CUZD1: variants seen among roughly 807,000 people sequenced by gnomAD.
The protein encoded by CUZD1 is CUB and zona pellucida like domains 1.
CUZD1 carries 42 observed loss-of-function variants against 53.1 expected under a neutral mutation model. The observed-to-expected ratio is 0.79, with a 90% CI of 0.62 to 1.02. The LOEUF (loss-of-function observed/expected upper bound fraction) is 1.02, where lower values mean the gene tolerates loss of function less well. CUZD1 is among the 50% of genes least tolerant of loss of function. The pLI is 0.00. For synonymous variants in CUZD1, 238 were observed against 257.2 expected (o/e 0.93, Z 0.71); for missense variants, 670 against 715.7 (o/e 0.94, Z 0.73).
At position 122,835,207 on chromosome 10, in the gene CUZD1, G is replaced by A. The variant is rs914235931; in HGVS notation, c.991-110C>T. The A allele has an allele frequency of 6.6e-6, 5 of 754,694 alleles. No homozygotes were observed. The African/African-American group carries it at 7.1e-5, about 11-fold the overall frequency. 46.7% of individuals were successfully genotyped at this position (754,694 alleles called of 1,614,324 possible). ...AGACATAATTTTCTTAAATCACGAG[G>A]TAACAGCTTTCATGTCAGAATACTA... On this transcript the variant is annotated intron_variant, in intron 6 of 8. Coordinates refer to ENST00000392790, the MANE Select transcript of CUZD1 (RefSeq NM_022034.6).
chr10:122,837,692 G>T (rs1266477584), intron 3 of CUZD1, 138 bp from the exon 4 acceptor site: 2 of 801,876 alleles, frequency 2.5e-6, no homozygotes, highest in Admixed American at 3.5e-5. Flanking sequence ...ACATATTGAG[G>T]TTTTCATCCT....
intron 6 of CUZD1, among the ~76,000 whole-genome samples, chr10:122,835,732 C>T (rs1847239327): frequency 6.6e-6 from 1 of 152,116 alleles, no homozygotes; most frequent in South Asian, 2.1e-4. Flanking sequence ...GAACAAATCA[C>T]AAACTTCCAG....
At chr10:122,839,310 G>A (rs1048834761) in intron 2 of CUZD1, 79 bp from the exon 3 acceptor site, 2 of 1,256,338 alleles carry the variant, frequency 1.6e-6, no homozygotes, top group Non-Finnish European at 2.3e-6. Flanking sequence ...GCTCACCTAG[G>A]CATGTAAATT....
At chr10:122,838,725 C>A in intron 3 of CUZD1, among the ~76,000 whole-genome samples, 1 of 152,324 alleles carries the variant, frequency 6.6e-6, no homozygotes, top group African/African-American at 2.4e-5. Flanking sequence ...ATGTAGCCAT[C>A]TGATCAGCCC....
At chr10:122,838,969 C>A (rs1168380862) in intron 3 of CUZD1, 48 bp downstream of exon 3, 2 of 1,402,036 alleles carry the variant, frequency 1.4e-6, no homozygotes, top group Non-Finnish European at 2.0e-6. Context: ...AGTGTGTAAC[C>A]TGTGCTTGTA....
Position 122,845,747 on chromosome 10 carries a change from G to A in CUZD1, c.82+15C>T. 1 of 1,611,046 alleles carries A rather than the reference G, an allele frequency of 6.2e-7. No homozygotes were observed. The highest frequency in any genetic ancestry group is 8.5e-7 in the Non-Finnish European group (1 of 1,178,254). ...TTCTCTGTTTTGGTGAATAAATCTG[G>A]TTCAATTTTCTTACCTTCAGCCTCC... On this transcript the variant is annotated intron_variant, in intron 1 of 8. Transcript: ENST00000392790.
Position 122,837,455 on chromosome 10 carries a change from T to A in CUZD1, c.548A>T (p.His183Leu). ...CTTGTAATCTTTCTCCACTTGTATG[T>A]GCCACACACAATAAGCCAGCTCAGG... ...PHPELAYCVW[H>L]IQVEKDYKIK... is the part of the protein sequence containing the mutation. Residue 183 changes from histidine (H) to leucine (L), a missense_variant, in exon 4 of 9, where the codon CAC (histidine) becomes CTC (leucine). By Grantham distance (99) the His-to-Leu change is moderately conservative. Coordinates refer to ENST00000392790, the MANE Select transcript of CUZD1 (RefSeq NM_022034.6). 1 of 1,614,134 alleles carries A rather than the reference T, an allele frequency of 6.2e-7. No homozygotes were observed. The highest frequency in any genetic ancestry group is 2.2e-5 in the East Asian group (1 of 44,876).
Position 122,841,332 on chromosome 10 carries a change from T to C in CUZD1, c.83-4A>G. Reference sequence around the variant, plus strand: ...CTGACTGTGCAGCTTGCATTGCCTGTTAGAGATCACAGATGGCACTCAGGA... The same window carrying C: ...CTGACTGTGCAGCTTGCATTGCCTGCTAGAGATCACAGATGGCACTCAGGA... On this transcript the variant is annotated splice_region_variant and splice_polypyrimidine_tract_variant and intron_variant, in intron 1 of 8. Transcript: ENST00000392790. The C allele has an allele frequency of 1.9e-6, 3 of 1,592,796 alleles. No individual in the cohort carries two copies. In the East Asian group the frequency reaches 6.7e-5, roughly 36 times the overall value.
At chr10:122,835,713 G>T (rs989672765) in intron 6 of CUZD1, among the ~76,000 whole-genome samples, 4 of 152,118 alleles carry the variant, frequency 2.6e-5, no homozygotes, top group African/African-American at 9.7e-5. Flanking sequence ...GGGACTTCTA[G>T]AAAATGGAGA....
intron 3 of CUZD1, among the ~76,000 whole-genome samples, chr10:122,838,582 G>T (rs761159533): frequency 6.6e-6 from 1 of 152,152 alleles, no homozygotes; most frequent in Non-Finnish European, 1.5e-5. Context: ...TCAACAACCC[G>T]AACCAAGATC....
intron 1 of CUZD1, among the ~76,000 whole-genome samples, chr10:122,842,119 C>G (rs569524450): frequency 2.6e-4 from 40 of 152,210 alleles, no homozygotes; most frequent in Middle Eastern, 3.4e-3. Flanking sequence ...AGTTTTAAAT[C>G]TTTTATAAAG....
Position 122,839,170 on chromosome 10 carries a change from T to G in CUZD1, c.295A>C (p.Asn99His), listed in dbSNP as rs754021931. The change falls in exon 3 of 9, where the codon AAT (asparagine) becomes CAT (histidine). Residue 99 changes from asparagine to histidine, a missense_variant. Transcript: ENST00000392790. ...CAGACTTGCCCTAGCAGAGGCCCAT[T>G]GCTGGAGGTTCCGTCAAAGACTTTA... ...NIKVFDGTSSNGPLLGQVCSK... is the reference protein window; with the variant it reads ...NIKVFDGTSSHGPLLGQVCSK... The G allele has an allele frequency of 3.1e-6, 5 of 1,614,170 alleles. No homozygotes were observed. Among genetic ancestry groups the G allele is most frequent in the Non-Finnish European group, 2.5e-6 (3 of 1,180,002 alleles).
chr10:122,837,759 T>C, intron 3 of CUZD1: 1 of 463,854 alleles, frequency 2.2e-6, no homozygotes, highest in African/African-American at 2.0e-5. Flanking sequence ...ATCTTTATAC[T>C]ATTGCCAAAC....
At position 122,832,363 on chromosome 10, in the gene CUZD1, T is replaced by C; in HGVS notation, c.1739A>G (p.Asn580Ser). 3 of 1,614,152 alleles carry C rather than the reference T, an allele frequency of 1.9e-6. No individual in the cohort carries two copies. The highest frequency in any genetic ancestry group is 2.5e-6 in the Non-Finnish European group (3 of 1,179,994). Residue 580 changes from asparagine (N) to serine (S), a missense_variant, in exon 9 of 9, where the codon AAT becomes AGT. Transcript: ENST00000392790. ...HLFSFMVLAL[N>S]VVTVATITVR... ...TGTGATTGTCGCTACAGTCACCACATTCAGAGCTAGAACCATGAAGGAAAA... is the reference window on the plus strand; with the variant it reads ...TGTGATTGTCGCTACAGTCACCACACTCAGAGCTAGAACCATGAAGGAAAA...
In CUZD1 at chr10:122,834,693, C is replaced by T. The variant is rs745979723; in HGVS notation, c.1382+13G>A. ...AGGAATATCATACATACATCAGTTA[C>T]ATTAATACATACCCACTCTTGATTA... On this transcript the variant is annotated intron_variant, in intron 7 of 8. Transcript: ENST00000392790. The T allele has an allele frequency of 2.6e-6, 4 of 1,568,036 alleles. No individual in the cohort carries two copies. In the South Asian group the frequency reaches 3.6e-5, roughly 14 times the overall value.
Position 122,832,358 on chromosome 10 carries a change from C to A in CUZD1, c.1744G>T (p.Val582Leu). The change falls in exon 9 of 9, where the codon GTG becomes TTG. Residue 582 changes from valine (V) to leucine (L), a missense_variant. Physicochemically the swap from Val to Leu is conservative, Grantham distance 32. Transcript: ENST00000392790. ...FSFMVLALNV[V>L]TVATITVRHF... ...CTCACTGTGATTGTCGCTACAGTCA[C>A]CACATTCAGAGCTAGAACCATGAAG... 1 of 1,614,116 alleles carries A rather than the reference C, an allele frequency of 6.2e-7. No homozygotes were observed. Among genetic ancestry groups the A allele is most frequent in the Non-Finnish European group, 8.5e-7 (1 of 1,179,980 alleles).
intron 1 of CUZD1, among the ~76,000 whole-genome samples, chr10:122,843,444 T>A (rs751207483): frequency 9.2e-5 from 14 of 152,180 alleles, no homozygotes; most frequent in Non-Finnish European, 1.6e-4. Flanking sequence ...GTAAATGATG[T>A]GTAAATAGTT....
In CUZD1 at chr10:122,833,738, A is replaced by G; in HGVS notation, c.1585T>C (p.Trp529Arg). ...RSKRDISSYK[W>R]KTDSIIGPIR... The stretch of plus-strand genomic sequence containing the variant: ...GGTCCTATGATGGAATCTGTTTTCC[A>G]TTTATATGAAGAAATGTCTCGTTTG... The change falls in exon 8 of 9, where the codon TGG becomes CGG. Residue 529 changes from tryptophan (W) to arginine (R), a missense_variant. Coordinates refer to ENST00000392790, the MANE Select transcript of CUZD1 (RefSeq NM_022034.6). 1 of 1,613,932 alleles carries G rather than the reference A, an allele frequency of 6.2e-7. No individual in the cohort carries two copies. Among genetic ancestry groups the G allele is most frequent in the African/African-American group, 1.3e-5 (1 of 75,024 alleles).
intron 1 of CUZD1, among the ~76,000 whole-genome samples, chr10:122,843,369 G>A (rs1257749772): frequency 6.6e-6 from 1 of 152,014 alleles, no homozygotes; most frequent in Non-Finnish European, 1.5e-5. Context: ...AAATGACAGT[G>A]TTTGCATGTG....
Sources: gnomAD v4.1 joint callset for allele counts (sites outside exome capture counted in the v4.1 genomes callset) on GRCh38, gnomAD v4.1.1 for gene constraint, MANE v1.5 for transcripts, NCBI Gene and HGNC (gene_info 2026-07-23, HGNC 2026-07-21) for gene names.